SUPT3H: variants seen among roughly 807,000 people sequenced by gnomAD.
SUPT3H encodes the protein SPT3 homolog, SAGA and STAGA complex component, also known as transcription initiation protein SPT3 homolog.
In SUPT3H, 44 loss-of-function variants were observed where a neutral mutation model predicts 44.3. The ratio of observed to expected loss-of-function variants is 0.99; its 90% CI spans 0.78 to 1.28. The LOEUF (loss-of-function observed/expected upper bound fraction) is 1.28. SUPT3H is among the 50% of genes most tolerant of loss of function. The probability of loss-of-function intolerance (pLI) is 0.00; values close to 1 mark genes in which losing one functional copy is unlikely to be tolerated. For synonymous variants in SUPT3H, 124 were observed against 125.6 expected, an observed-to-expected ratio of 0.99 and a Z score of 0.09; for missense variants, 380 against 387.1, an observed-to-expected ratio of 0.98 and a Z score of 0.15.
intron 4 of SUPT3H, among the ~76,000 whole-genome samples, chr6:45,019,633 T>G (rs948619206): frequency 5.9e-5 from 9 of 152,118 alleles, no homozygotes; most frequent in Middle Eastern, 6.8e-3. Context: ...ATACTGCATT[T>G]TACACAGTTC....
At chr6:44,993,860 G>A (rs1206064874) in intron 6 of SUPT3H, among the ~76,000 whole-genome samples, 7 of 151,998 alleles carry the variant, frequency 4.6e-5, no homozygotes, top group African/African-American at 9.7e-5. Context: ...TAACCTTGAC[G>A]TATTACATTG....
chr6:45,279,188 A>G (rs181187693), intron 2 of SUPT3H, among the ~76,000 whole-genome samples: 226 of 152,338 alleles, frequency 1.5e-3, no homozygotes, highest in African/African-American at 5.2e-3. Context: ...CCAAAATGGG[A>G]TTAATGAAAC....
At chr6:45,043,045 C>A (rs972499377) in intron 3 of SUPT3H, among the ~76,000 whole-genome samples, 6 of 151,726 alleles carry the variant, frequency 4.0e-5, no homozygotes, top group African/African-American at 2.4e-5. Context: ...AGCAATATAG[C>A]ATACATGAAA....
intron 2 of SUPT3H, among the ~76,000 whole-genome samples, chr6:45,320,805 A>G (rs1785367484): frequency 6.6e-6 from 1 of 152,208 alleles, no homozygotes; most frequent in African/African-American, 2.4e-5. Flanking sequence ...CTTTGTACAT[A>G]GAGACGTAGT....
chr6:45,102,823 T>C (rs992629591), intron 3 of SUPT3H, among the ~76,000 whole-genome samples: 1 of 151,862 alleles, frequency 6.6e-6, no homozygotes, highest in Admixed American at 6.6e-5. Context: ...ACCTGTAATC[T>C]CAGCTACTCA....
chr6:44,883,032 C>T (rs1161047882), intron 10 of SUPT3H, among the ~76,000 whole-genome samples: 1 of 152,098 alleles, frequency 6.6e-6, no homozygotes, highest in Non-Finnish European at 1.5e-5. Context: ...GAAGTTCTGG[C>T]CAGGGCAATC....
intron 10 of SUPT3H, among the ~76,000 whole-genome samples, chr6:44,838,503 G>C (rs1770333635): frequency 1.3e-5 from 2 of 152,176 alleles, no homozygotes; most frequent in African/African-American, 4.8e-5. Context: ...TTGGGGACGG[G>C]AAGGGGATGG....
At position 44,845,067 on chromosome 6, in the gene SUPT3H, A is replaced by G. The variant is rs553397403; in HGVS notation, c.913-15210T>C. Reference sequence around the variant, plus strand: ...CCAAGTTGTTAGTTTTCTACATGGCAGCACACTACATGTTCATTAGAAAGT... The same window carrying G: ...CCAAGTTGTTAGTTTTCTACATGGCGGCACACTACATGTTCATTAGAAAGT... On this transcript the variant is annotated intron_variant, in intron 10 of 10. Transcript: ENST00000371459. 2.0e-5 allele frequency among the ~76,000 whole-genome samples: 3 copies of G among 152,350 alleles called. No homozygotes were observed. The East Asian group carries it at 5.8e-4, about 29-fold the overall frequency.
intron 2 of SUPT3H, among the ~76,000 whole-genome samples, chr6:45,278,182 T>G (rs1777340427): frequency 6.6e-6 from 1 of 151,908 alleles, no homozygotes; most frequent in African/African-American, 2.4e-5. Context: ...TTAGAAGAAA[T>G]ACCTAATGTA....
intron 2 of SUPT3H, among the ~76,000 whole-genome samples, chr6:45,237,293 C>G (rs892531349): frequency 6.6e-6 from 1 of 152,180 alleles, no homozygotes; most frequent in African/African-American, 2.4e-5. Context: ...ATTCAACCCA[C>G]TCAATTTAAC....
intron 2 of SUPT3H, among the ~76,000 whole-genome samples, chr6:45,165,143 C>A (rs1403067676): frequency 6.6e-6 from 1 of 152,136 alleles, no homozygotes; most frequent in Non-Finnish European, 1.5e-5. Flanking sequence ...AGAGCAAGAG[C>A]ACAGAGAGAA....
At chr6:44,978,329 T>C (rs1562184465) in intron 6 of SUPT3H, among the ~76,000 whole-genome samples, 1 of 152,188 alleles carries the variant, frequency 6.6e-6, no homozygotes, top group East Asian at 1.9e-4. Flanking sequence ...TAAAGGAATC[T>C]GAGACTCAGA....
intron 2 of SUPT3H, among the ~76,000 whole-genome samples, chr6:45,270,734 A>C (rs866636264): frequency 1.3e-5 from 2 of 152,350 alleles, no homozygotes; most frequent in Middle Eastern, 3.4e-3. Context: ...AAAATGTGAA[A>C]GCAACTTTGG....
chr6:45,315,885 C>T (rs1300012792), intron 2 of SUPT3H, among the ~76,000 whole-genome samples: 3 of 151,752 alleles, frequency 2.0e-5, no homozygotes, highest in Admixed American at 6.6e-5. Flanking sequence ...ACCCAAATGC[C>T]TATCAATCAA....
chr6:44,871,123 G>A (rs923882290), intron 10 of SUPT3H, among the ~76,000 whole-genome samples: 3 of 150,410 alleles, frequency 2.0e-5, no homozygotes, highest in Non-Finnish European at 4.4e-5. Flanking sequence ...CAGCCGGGAA[G>A]CTCGAACTGG....
chr6:45,269,142 G>C (rs1351385197), intron 2 of SUPT3H, among the ~76,000 whole-genome samples: 1 of 152,136 alleles, frequency 6.6e-6, no homozygotes, highest in Non-Finnish European at 1.5e-5. Context: ...TTTCAGAGAA[G>C]GATAACGGCA....
chr6:45,158,634 C>T (rs1808413789), intron 2 of SUPT3H, among the ~76,000 whole-genome samples: 3 of 151,716 alleles, frequency 2.0e-5, no homozygotes, highest in Admixed American at 2.0e-4. Flanking sequence ...TGGGGTGAGA[C>T]ATACCCAGCC....
chr6:45,284,282 T>A (rs1227812565), intron 2 of SUPT3H, among the ~76,000 whole-genome samples: 3 of 151,448 alleles, frequency 2.0e-5, no homozygotes, highest in Non-Finnish European at 4.4e-5. Flanking sequence ...AAAAAACCCT[T>A]CAGAAAATCA....
chr6:44,956,281 G>A (rs986640961), intron 7 of SUPT3H, among the ~76,000 whole-genome samples: 12 of 151,526 alleles, frequency 7.9e-5, no homozygotes, highest in African/African-American at 2.4e-4. Flanking sequence ...TCAAGAGATG[G>A]AGACCATCCT....
Sources: gnomAD v4.1 joint callset for allele counts (sites outside exome capture counted in the v4.1 genomes callset) on GRCh38, gnomAD v4.1.1 for gene constraint, MANE v1.5 for transcripts, NCBI Gene and HGNC (gene_info 2026-07-23, HGNC 2026-07-21) for gene names.